CDH6: variants seen among roughly 807,000 people sequenced by gnomAD.
CDH6 encodes cadherin 6, also known as cadherin-6.
In CDH6, 31 loss-of-function variants were observed where a neutral mutation model predicts 78.0. That is an observed-to-expected ratio of 0.40 (90% confidence interval 0.30 to 0.54). The LOEUF (loss-of-function observed/expected upper bound fraction) is 0.54, where lower values mean the gene tolerates loss of function less well. CDH6 is among the 20% of genes least tolerant of loss of function. The probability of loss-of-function intolerance (pLI) is 0.56; values close to 1 mark genes in which losing one functional copy is unlikely to be tolerated. For synonymous variants in CDH6, 376 were observed against 368.8 expected (o/e 1.02, Z -0.23); for missense variants, 724 against 975.9 (o/e 0.74, Z 3.44).
chr5:31,237,591 C>T (rs760816961), intron 1 of CDH6, among the ~76,000 whole-genome samples: 29 of 152,120 alleles, frequency 1.9e-4, no homozygotes, highest in Admixed American at 3.3e-4. Flanking sequence ...GATAGGTTGA[C>T]CCCCAGACAA....
chr5:31,257,159 A>ATGTTTGTTTGTTTGTTTGTT (rs200009608), intron 1 of CDH6, among the ~76,000 whole-genome samples: 50 of 151,986 alleles, frequency 3.3e-4, no homozygotes, highest in African/African-American at 1.1e-3. Context: ...AAGTATTCGC[A>ATGTTTGTTTGTTTGTTTGTT]TGTTTGTTTG....
At chr5:31,312,963 A>C (rs986715605) in intron 7 of CDH6, among the ~76,000 whole-genome samples, 1 of 151,828 alleles carries the variant, frequency 6.6e-6, no homozygotes, top group African/African-American at 2.4e-5. Context: ...ACACACACAC[A>C]CACACACATT....
At chr5:31,221,175 G>A (rs72749646) in intron 1 of CDH6, among the ~76,000 whole-genome samples, 10,578 of 152,228 alleles carry the variant, frequency 0.069, 528 homozygotes, top group South Asian at 0.24. Context: ...CAACAGCAGC[G>A]ACTCAGTCTG....
intron 2 of CDH6, among the ~76,000 whole-genome samples, chr5:31,273,722 C>T (rs1217505186): frequency 4.2e-5 from 6 of 144,234 alleles, no homozygotes; most frequent in Non-Finnish European, 9.3e-5. Context: ...TTGTGTGAAA[C>T]CCAAAGGTAG....
intron 2 of CDH6, among the ~76,000 whole-genome samples, chr5:31,287,366 C>A (rs1384705827): frequency 2.0e-5 from 3 of 152,138 alleles, no homozygotes; most frequent in Non-Finnish European, 4.4e-5. Flanking sequence ...AATTCAGATC[C>A]AAATCCCACC....
chr5:31,242,735 A>G (rs1344942264), intron 1 of CDH6, among the ~76,000 whole-genome samples: 2 of 151,380 alleles, frequency 1.3e-5, no homozygotes, highest in African/African-American at 4.9e-5. Flanking sequence ...TATATACCAC[A>G]TTTTGGTCAT....
chr5:31,232,676 T>C lies in CDH6; in HGVS notation c.-128-34670T>C, dbSNP rs1439345626. On this transcript the variant is annotated intron_variant, in intron 1 of 11. Transcript: ENST00000265071. ...GATTTGAGTGGCCAATGAAAACATA[T>C]CAAGTCAGGCTTTTTAGTTATTGGT... 2.0e-5 allele frequency among the ~76,000 whole-genome samples: 3 copies of C among 152,222 alleles called. No individual in the cohort carries two copies. The East Asian group carries it at 5.8e-4, about 29-fold the overall frequency.
chr5:31,247,971 A>C (rs1355841453), intron 1 of CDH6, among the ~76,000 whole-genome samples: 1 of 152,240 alleles, frequency 6.6e-6, no homozygotes, highest in Admixed American at 6.5e-5. Flanking sequence ...CTTATTCTGG[A>C]GACTTTTTTC....
At chr5:31,251,454 T>C (rs192828121) in intron 1 of CDH6, 18 of 152,394 alleles carry the variant, frequency 1.2e-4, no homozygotes, top group African/African-American at 3.4e-4. Context: ...GCTCCACACT[T>C]CTTTCCTTCT....
intron 1 of CDH6, among the ~76,000 whole-genome samples, chr5:31,228,722 G>C (rs1741232804): frequency 6.6e-6 from 1 of 152,140 alleles, no homozygotes; most frequent in African/African-American, 2.4e-5. Flanking sequence ...TTCACAATAG[G>C]GTTCGCCCTC....
At chr5:31,228,357 T>C (rs1009783372) in intron 1 of CDH6, among the ~76,000 whole-genome samples, 5 of 152,204 alleles carry the variant, frequency 3.3e-5, no homozygotes, top group African/African-American at 1.2e-4. Flanking sequence ...TTGGAAGGCC[T>C]TTGTTCTGCC....
At chr5:31,279,581 A>G (rs1290662362) in intron 2 of CDH6, among the ~76,000 whole-genome samples, 1 of 152,026 alleles carries the variant, frequency 6.6e-6, no homozygotes, top group East Asian at 1.9e-4. Flanking sequence ...AAAAATATAT[A>G]TATAATAATA....
At chr5:31,200,597 C>CACACAT (rs749179175) in intron 1 of CDH6, among the ~76,000 whole-genome samples, 121 of 148,006 alleles carry the variant, frequency 8.2e-4, no homozygotes, top group Non-Finnish European at 1.5e-3. Context: ...CACACACACA[C>CACACAT]ATATACACAC....
At chr5:31,220,306 AG>A (rs1740972721) in intron 1 of CDH6, among the ~76,000 whole-genome samples, 1 of 152,208 alleles carries the variant, frequency 6.6e-6, no homozygotes, top group South Asian at 2.1e-4. Context: ...CTCAGGAAGC[AG>A]GACCAACTCC....
At chr5:31,259,221 T>C (rs1174406611) in intron 1 of CDH6, among the ~76,000 whole-genome samples, 1 of 152,242 alleles carries the variant, frequency 6.6e-6, no homozygotes, top group Non-Finnish European at 1.5e-5. Context: ...TAAATATCTC[T>C]ACTCTTTGTA....
intron 2 of CDH6, among the ~76,000 whole-genome samples, chr5:31,285,707 C>T (rs1269264806): frequency 6.6e-6 from 1 of 152,170 alleles, no homozygotes; most frequent in African/African-American, 2.4e-5. Context: ...TCGGTAAAAT[C>T]TTGCAGCTTT....
intron 1 of CDH6, among the ~76,000 whole-genome samples, chr5:31,246,358 A>G (rs572505378): frequency 6.6e-6 from 1 of 152,288 alleles, no homozygotes; most frequent in Non-Finnish European, 1.5e-5. Flanking sequence ...TGCTCAGCCA[A>G]ATGAGTTAAA....
At chr5:31,242,363 A>G (rs1366439243) in intron 1 of CDH6, among the ~76,000 whole-genome samples, 1 of 152,138 alleles carries the variant, frequency 6.6e-6, no homozygotes, top group African/African-American at 2.4e-5. Flanking sequence ...TAGTAGCCCA[A>G]CCTCACAATG....
chr5:31,261,266 G>A (rs1742204682), intron 1 of CDH6, among the ~76,000 whole-genome samples: 1 of 152,166 alleles, frequency 6.6e-6, no homozygotes, highest in Non-Finnish European at 1.5e-5. Context: ...TTCAGGCTCA[G>A]AGTTGTAATG....
Sources: gnomAD v4.1 joint callset for allele counts (sites outside exome capture counted in the v4.1 genomes callset) on GRCh38, gnomAD v4.1.1 for gene constraint, MANE v1.5 for transcripts, NCBI Gene and HGNC (gene_info 2026-07-23, HGNC 2026-07-21) for gene names.